Variants in LRRC37A2 observed in about 807,000 individuals in gnomAD.
LRRC37A2 encodes the protein leucine-rich repeat-containing protein 37A2.
Under a neutral mutation model 68.8 loss-of-function variants are expected in LRRC37A2, and 9 were observed. The observed-to-expected ratio is 0.13, with a 90% confidence interval of 0.08 to 0.23. LRRC37A2 has a LOEUF of 0.23. Among genes scored for constraint, LRRC37A2 ranks in the 10% least tolerant of loss-of-function variants. The pLI, the probability that LRRC37A2 is intolerant of heterozygous loss-of-function variation, is 1.00. For synonymous variants in LRRC37A2, 63 were observed against 367.6 expected (o/e 0.17, Z 9.48); for missense variants, 168 against 950.4 (o/e 0.18, Z 10.82).
At chr17:47,047,633 G>C in the LRRC37A2 span, among the ~76,000 whole-genome samples, 5 of 151,872 alleles carry the variant, frequency 3.3e-5, no homozygotes, top group South Asian at 2.1e-4. Flanking sequence ...AAATTCATGA[G>C]GTCTCAAGTA....
chr17:46,851,750 G>A, the LRRC37A2 span: 1 of 1,156,898 alleles, frequency 8.6e-7, no homozygotes, highest in East Asian at 3.2e-5. This position sits in a 1 kb window ranked among gnomAD's most constrained non-coding sequence, Gnocchi z 4.3. Flanking sequence ...CCGCTCCCCG[G>A]CCTGCCTGTC....
chr17:46,998,185 G>C, the LRRC37A2 span, among the ~76,000 whole-genome samples: 1 of 152,120 alleles, frequency 6.6e-6, no homozygotes, highest in African/African-American at 2.4e-5. Context: ...ATTGTTTTAA[G>C]AAACACAGAG....
At chr17:46,988,825 ATCT>A in the LRRC37A2 span, among the ~76,000 whole-genome samples, 7 of 152,230 alleles carry the variant, frequency 4.6e-5, no homozygotes, top group Non-Finnish European at 1.0e-4. Context: ...CGTACTGAGC[ATCT>A]TCTGTGTCCA....
At chr17:46,786,359 C>G in the LRRC37A2 span, among the ~76,000 whole-genome samples, 3 of 152,232 alleles carry the variant, frequency 2.0e-5, no homozygotes, top group African/African-American at 7.2e-5. Context: ...CACAGTCCCC[C>G]ACTTGGCACC....
chr17:46,942,051 TG>T, the LRRC37A2 span: 2 of 647,088 alleles, frequency 3.1e-6, no homozygotes, highest in Non-Finnish European at 3.8e-6. Flanking sequence ...GAGGAGACTT[TG>T]AGGAAATAAC....
the LRRC37A2 span, among the ~76,000 whole-genome samples, chr17:46,789,260 T>C: frequency 6.6e-6 from 1 of 152,286 alleles, no homozygotes; most frequent in East Asian, 1.9e-4. Context: ...GGCACCTACC[T>C]GGACTGTCCC....
the LRRC37A2 span, chr17:46,768,889 C>T: frequency 2.6e-6 from 4 of 1,542,058 alleles, no homozygotes; most frequent in Non-Finnish European, 3.5e-6. This position sits in a 1 kb window ranked among gnomAD's most constrained non-coding sequence, Gnocchi z 5.0. Flanking sequence ...CCACCCCCTT[C>T]CCTCCAGCCT....
chr17:46,928,670 A>G, the LRRC37A2 span, among the ~76,000 whole-genome samples: 2 of 152,122 alleles, frequency 1.3e-5, no homozygotes, highest in African/African-American at 4.8e-5. Context: ...TGTTTACCAA[A>G]CAGAAGGTCC....
the LRRC37A2 span, among the ~76,000 whole-genome samples, chr17:46,727,996 GT>G: frequency 6.5e-4 from 95 of 147,278 alleles, 1 homozygote; most frequent in African/African-American, 1.9e-3. Flanking sequence ...TGGATATTCT[GT>G]TTTTTTTTTT....
At chr17:46,923,202 C>T in the LRRC37A2 span, 9 of 1,548,914 alleles carry the variant, frequency 5.8e-6, no homozygotes, top group South Asian at 1.2e-5. Flanking sequence ...CATGGATCCC[C>T]TGTTCCAGCA....
downstream of LRRC37A2, chr17:46,557,046 C>T (rs1156991112): frequency 2.4e-6 from 1 of 422,546 alleles, no homozygotes; most frequent in African/African-American, 2.5e-5. Context: ...ACCCCCTAAC[C>T]TAAAAGAAAA....
chr17:46,884,118 A>T, the LRRC37A2 span, among the ~76,000 whole-genome samples: 2 of 152,268 alleles, frequency 1.3e-5, no homozygotes, highest in East Asian at 3.9e-4. Flanking sequence ...CAGGGTGGCC[A>T]GAAGCCTGGA....
At chr17:46,737,391 A>G in the LRRC37A2 span, among the ~76,000 whole-genome samples, 2 of 152,282 alleles carry the variant, frequency 1.3e-5, no homozygotes, top group South Asian at 4.1e-4. Flanking sequence ...TAGCATCAGC[A>G]TATCCCATAT....
chr17:46,789,291 C>T, the LRRC37A2 span, among the ~76,000 whole-genome samples: 8 of 152,188 alleles, frequency 5.3e-5, no homozygotes, highest in African/African-American at 1.9e-4. Context: ...TTATTCTATG[C>T]TCTTCAGAAA....
At chr17:46,877,392 T>G in the LRRC37A2 span, among the ~76,000 whole-genome samples, 1 of 152,226 alleles carries the variant, frequency 6.6e-6, no homozygotes, top group Non-Finnish European at 1.5e-5. Context: ...TTTTCAAATA[T>G]GCCTCCGCTG....
At chr17:47,006,716 T>C in the LRRC37A2 span, among the ~76,000 whole-genome samples, 1 of 152,208 alleles carries the variant, frequency 6.6e-6, no homozygotes, top group Admixed American at 6.5e-5. Flanking sequence ...TGACTGACAA[T>C]GTTCAGGCCC....
chr17:46,886,398 A>T, the LRRC37A2 span: 2 of 152,226 alleles, frequency 1.3e-5, no homozygotes, highest in East Asian at 3.8e-4. Context: ...ATTAGTTTGT[A>T]CTGTGCTCCT....
At chr17:47,039,099 C>T in the LRRC37A2 span, among the ~76,000 whole-genome samples, 1 of 151,480 alleles carries the variant, frequency 6.6e-6, no homozygotes, top group African/African-American at 2.4e-5. Flanking sequence ...ATCTTAATTT[C>T]TCTTCAATTT....
At chr17:46,558,996 T>C (rs1300165436), downstream of LRRC37A2, 1 of 94,722 alleles carries the variant, frequency 1.1e-5, no homozygotes, top group Non-Finnish European at 2.0e-5. Context: ...ATTAAACCCT[T>C]TTATGCACAC....
Sources: allele counts gnomAD v4.1 joint callset (sites outside exome capture counted in the v4.1 genomes callset), GRCh38; gene constraint gnomAD v4.1.1; non-coding constraint Gnocchi (gnomAD v3.1); transcripts MANE v1.5; gene names NCBI Gene and HGNC (gene_info 2026-07-23, HGNC 2026-07-21).